Variants in VOPP1 observed in about 807,000 individuals in gnomAD.
VOPP1 encodes WW domain binding protein VOPP1.
VOPP1 carries 8 observed loss-of-function variants against 23.5 expected under a neutral mutation model. The observed-to-expected ratio is 0.34, with a 90% CI of 0.20 to 0.61. The LOEUF is 0.61. Among genes scored for constraint, VOPP1 ranks in the 20% least tolerant of loss-of-function variants. The probability of loss-of-function intolerance (pLI) is 0.78; values close to 1 mark genes in which losing one functional copy is unlikely to be tolerated. For missense variants in VOPP1, 174 were observed against 238.1 expected (o/e 0.73, Z 1.77); for synonymous variants, 83 against 97.3 (o/e 0.85, Z 0.86).
chr7:55,435,133 T>A (rs1790792827), downstream of VOPP1, among the ~76,000 whole-genome samples: 1 of 152,194 alleles, frequency 6.6e-6, no homozygotes, highest in African/African-American at 2.4e-5. Context: ...GGTGAGAGAC[T>A]GGATGTGTAA....
intron 1 of VOPP1, among the ~76,000 whole-genome samples, chr7:55,531,606 C>G (rs1429694926): frequency 6.6e-6 from 1 of 152,154 alleles, no homozygotes; most frequent in East Asian, 1.9e-4. Context: ...CCCACCTCGG[C>G]CTCCCAAAGT....
intron 1 of VOPP1, among the ~76,000 whole-genome samples, chr7:55,539,086 G>A (rs1261084608): frequency 6.6e-6 from 1 of 151,412 alleles, no homozygotes; most frequent in Non-Finnish European, 1.5e-5. Context: ...GCTCACGCCT[G>A]TAATCCCAGC....
chr7:55,447,525 T>C (rs1313538526), intron 4 of VOPP1, among the ~76,000 whole-genome samples: 2 of 152,160 alleles, frequency 1.3e-5, no homozygotes, highest in Non-Finnish European at 2.9e-5. Flanking sequence ...AATAAGGAAC[T>C]GAAGGCAATT....
intron 4 of VOPP1, among the ~76,000 whole-genome samples, chr7:55,464,445 C>G (rs111610991): frequency 0.012 from 1,827 of 152,264 alleles, 12 homozygotes; most frequent in Admixed American, 0.021. Flanking sequence ...TTGAAGGTAT[C>G]TGCAGGTGCA....
chr7:55,457,310 T>G (rs1176809429), intron 4 of VOPP1, among the ~76,000 whole-genome samples: 4 of 152,378 alleles, frequency 2.6e-5, no homozygotes, highest in East Asian at 1.9e-4. Context: ...ATTTTTTTAA[T>G]AGCGAAACAG....
chr7:55,454,076 G>A (rs1482641321), intron 4 of VOPP1, among the ~76,000 whole-genome samples: 1 of 152,014 alleles, frequency 6.6e-6, no homozygotes, highest in Non-Finnish European at 1.5e-5. Flanking sequence ...ATGCATTTAT[G>A]GGGTATATGT....
intron 3 of VOPP1, among the ~76,000 whole-genome samples, chr7:55,494,740 G>A (rs1038548447): frequency 2.0e-5 from 3 of 152,178 alleles, no homozygotes; most frequent in Admixed American, 6.5e-5. Context: ...GCCTCCCAAA[G>A]TGCACCATTG....
chr7:55,538,402 C>T (rs908818112), intron 1 of VOPP1, among the ~76,000 whole-genome samples: 1 of 152,164 alleles, frequency 6.6e-6, no homozygotes, highest in Non-Finnish European at 1.5e-5. Flanking sequence ...CAGACTTATT[C>T]TTGAAATGAA....
At position 55,461,370 on chromosome 7, in the gene VOPP1, C is replaced by A. The variant is rs181103130; in HGVS notation, n.418-25196G>T. On this transcript the variant is annotated intron_variant and non_coding_transcript_variant, in intron 4 of 4. Transcript: ENST00000462326. ...AATGTAACCAAACATCACCTGTTCA[C>A]CAATAACCTACAGAAATTTAAAAAA... Among the ~76,000 whole-genome samples, 95 of 152,180 alleles carry A rather than the reference C, an allele frequency of 6.2e-4. 1 individual carries two copies. The East Asian group carries it at 0.017, about 27-fold the overall frequency.
intron 2 of VOPP1, among the ~76,000 whole-genome samples, chr7:55,505,255 G>A (rs1583951455): frequency 6.6e-6 from 1 of 152,124 alleles, no homozygotes; most frequent in South Asian, 2.1e-4. Flanking sequence ...ATCCACAGTC[G>A]GGTCAGGGAG....
intron 4 of VOPP1, among the ~76,000 whole-genome samples, chr7:55,478,218 A>G (rs2129011327): frequency 6.6e-6 from 1 of 152,342 alleles, no homozygotes; most frequent in Non-Finnish European, 1.5e-5. Flanking sequence ...CCCACAAACC[A>G]CAGATGATTA....
chr7:55,455,116 G>A (rs1791334185), intron 4 of VOPP1, among the ~76,000 whole-genome samples: 1 of 152,090 alleles, frequency 6.6e-6, no homozygotes, highest in Non-Finnish European at 1.5e-5. Context: ...AAAGTCTCAG[G>A]ATACAAAATC....
At chr7:55,517,246 G>A (rs1331694117) in intron 2 of VOPP1, among the ~76,000 whole-genome samples, 2 of 151,560 alleles carry the variant, frequency 1.3e-5, no homozygotes, top group South Asian at 2.1e-4. Context: ...ACCGTGCCCG[G>A]CCTAATTTAA....
At chr7:55,516,932 A>ATATATATATT (rs1562947689) in intron 2 of VOPP1, among the ~76,000 whole-genome samples, 1 of 45,154 alleles carries the variant, frequency 2.2e-5, no homozygotes, top group African/African-American at 1.2e-4. Flanking sequence ...ATATATATAT[A>ATATATATATT]TTTTTTTTTT....
Position 55,486,567 on chromosome 7 carries a change from A to G in VOPP1, c.328+5715T>C, listed in dbSNP as rs1793161934. On this transcript the variant is annotated intron_variant, in intron 4 of 4. Coordinates refer to ENST00000285279, the MANE Select transcript of VOPP1 (RefSeq NM_030796.5). ...TGGAAACACATTCCTGCTGGTGAGG[A>G]GGCCCGCCATATTGGGAGGCCATCT... is the stretch of plus-strand genomic sequence containing the variant. 2.0e-5 allele frequency among the ~76,000 whole-genome samples: 3 copies of G among 152,112 alleles called. No individual in the cohort carries two copies. In the South Asian group the frequency reaches 6.2e-4, roughly 32 times the overall value.
chr7:55,532,943 A>G (rs927880415), intron 1 of VOPP1, among the ~76,000 whole-genome samples: 3 of 152,238 alleles, frequency 2.0e-5, no homozygotes, highest in Non-Finnish European at 4.4e-5. Context: ...GATTGGTTAT[A>G]AATGTTAAGG....
At chr7:55,444,652 C>G (rs1791050518) in intron 4 of VOPP1, among the ~76,000 whole-genome samples, 1 of 152,184 alleles carries the variant, frequency 6.6e-6, no homozygotes, top group Non-Finnish European at 1.5e-5. Context: ...TGTGTTCACC[C>G]CATTGTGGCA....
intron 4 of VOPP1, among the ~76,000 whole-genome samples, chr7:55,437,923 T>G (rs1435304718): frequency 6.6e-6 from 1 of 151,752 alleles, no homozygotes; most frequent in Non-Finnish European, 1.5e-5. Context: ...AGACGGAGTT[T>G]CTATCTTGTC....
intron 1 of VOPP1, among the ~76,000 whole-genome samples, chr7:55,561,011 G>C (rs1024331264): frequency 6.6e-6 from 1 of 152,192 alleles, no homozygotes; most frequent in Non-Finnish European, 1.5e-5. Context: ...GCTGCTTAGG[G>C]GGCCAGTCAG....
Sources: allele counts gnomAD v4.1 joint callset (sites outside exome capture counted in the v4.1 genomes callset), GRCh38; gene constraint gnomAD v4.1.1; transcripts MANE v1.5; gene names NCBI Gene and HGNC (gene_info 2026-07-23, HGNC 2026-07-21).